The following CEP112 variants were observed in gnomAD, a reference collection of about 807,000 sequenced individuals.
CEP112 encodes centrosomal protein 112, also known as centrosomal protein of 112 kDa.
A neutral mutation model predicts 153.0 loss-of-function variants in CEP112; 127 were observed. The observed-to-expected ratio is 0.83, with a 90% confidence interval of 0.72 to 0.96. The LOEUF (loss-of-function observed/expected upper bound fraction) is 0.96, where lower values mean the gene tolerates loss of function less well. Ranked by LOEUF, CEP112 falls within the 40% of genes least tolerant of loss-of-function variation. The probability of loss-of-function intolerance (pLI) is 0.00; values close to 1 mark genes in which losing one functional copy is unlikely to be tolerated. For missense variants in CEP112, 1,089 were observed against 1,101.2 expected, an observed-to-expected ratio of 0.99 and a Z score of 0.16; for synonymous variants, 358 against 374.4, an observed-to-expected ratio of 0.96 and a Z score of 0.51.
rs544856487 is a variant in CEP112, at chr17:65,812,626, C to G, written c.2394+39178G>C. ...TGGATCCTGTTATATATTATCTCCA[C>G]AAGAAAACAACCAGATTAAAATGAA... On this transcript the variant is annotated intron_variant, in intron 21 of 26. Transcript: ENST00000535342. Among the ~76,000 whole-genome samples the G allele has an allele frequency of 5.9e-5, 9 of 152,202 alleles. No homozygotes were observed. In the East Asian group the frequency reaches 1.4e-3, roughly 23 times the overall value.
chr17:66,116,239 C>A (rs1428033900), intron 6 of CEP112, among the ~76,000 whole-genome samples: 1 of 152,138 alleles, frequency 6.6e-6, no homozygotes, highest in Non-Finnish European at 1.5e-5. Flanking sequence ...CTGTATCTAC[C>A]ATTATGATCT....
At chr17:65,705,084 C>A (rs2048849358) in intron 23 of CEP112, among the ~76,000 whole-genome samples, 1 of 152,154 alleles carries the variant, frequency 6.6e-6, no homozygotes, top group Non-Finnish European at 1.5e-5. Context: ...TTCTCCTGAT[C>A]AGAAAAATGA....
In CEP112 at chr17:65,831,511, C is replaced by T. The variant is rs558946592; in HGVS notation, c.2394+20293G>A. ...GGCGGAGCTTGCAGTGAGCCAAGAT[C>T]GCGCCACTGCACTCCAGCCTGGGCG... is the stretch of plus-strand genomic sequence containing the variant. On this transcript the variant is annotated intron_variant, in intron 21 of 26. Coordinates refer to ENST00000535342, the MANE Select transcript of CEP112 (RefSeq NM_001199165.4). Among the ~76,000 whole-genome samples the T allele has an allele frequency of 2.0e-3, 302 of 150,400 alleles. 3 individuals carry two copies. The highest frequency in any genetic ancestry group is 6.4e-4 in the Non-Finnish European group (43 of 67,650).
intron 20 of CEP112, among the ~76,000 whole-genome samples, chr17:65,868,248 C>A (rs2058547143): frequency 6.6e-6 from 1 of 151,968 alleles, no homozygotes. Flanking sequence ...CCTATAATCC[C>A]AGCACTTCCC....
chr17:65,854,688 A>AT (rs984780014), intron 20 of CEP112, among the ~76,000 whole-genome samples: 3 of 152,004 alleles, frequency 2.0e-5, no homozygotes, highest in African/African-American at 7.3e-5. Flanking sequence ...AAAATTAGTT[A>AT]TTTTTTCTTC....
intron 17 of CEP112, among the ~76,000 whole-genome samples, chr17:65,977,359 T>C (rs1279434847): frequency 1.3e-5 from 2 of 152,132 alleles, no homozygotes; most frequent in Non-Finnish European, 2.9e-5. Flanking sequence ...AGTTTTCCAG[T>C]TCCGAATTCC....
intron 21 of CEP112, among the ~76,000 whole-genome samples, chr17:65,757,024 G>A (rs1021992675): frequency 6.6e-6 from 1 of 152,148 alleles, no homozygotes; most frequent in Non-Finnish European, 1.5e-5. Context: ...TACTCCAACA[G>A]GATAGGTGTC....
intron 23 of CEP112, among the ~76,000 whole-genome samples, chr17:65,703,201 A>G (rs1283740768): frequency 2.0e-5 from 3 of 152,102 alleles, no homozygotes; most frequent in African/African-American, 4.8e-5. Flanking sequence ...GACTTTCACA[A>G]TGTCCCTCTG....
rs1354911944 is a variant in CEP112 at position 65,913,981 on chromosome 17, C to T, written c.1981-11647G>A. The T allele has an allele frequency of 5.5e-6, 3 of 544,368 alleles. No individual in the cohort carries two copies. In the African/African-American group the frequency reaches 6.2e-5, roughly 11 times the overall value. 33.7% of individuals were successfully genotyped at this position (544,368 alleles called of 1,614,324 possible). A position where few individuals can be genotyped will look rare whatever the true frequency, so the allele number is the denominator to read the frequency against. On this transcript the variant is annotated intron_variant, in intron 19 of 26. Coordinates refer to ENST00000535342, the MANE Select transcript of CEP112 (RefSeq NM_001199165.4). ...CTATTACTTTCTGTGGTTTTATCTG[C>T]CAGATCTCAGTTGAAACTCAGGAAG...
chr17:66,047,444 G>A (rs1240979429), intron 12 of CEP112, among the ~76,000 whole-genome samples: 3 of 152,184 alleles, frequency 2.0e-5, no homozygotes, highest in Admixed American at 6.5e-5. Flanking sequence ...CCCATCTTTG[G>A]TTTGAAAATG....
chr17:65,868,440 C>T (rs1001219077), intron 20 of CEP112, among the ~76,000 whole-genome samples: 1 of 151,090 alleles, frequency 6.6e-6, no homozygotes, highest in African/African-American at 2.4e-5. Context: ...ATAAAGGTTG[C>T]AGCAAGCTGA....
At chr17:65,970,370 G>GCACACATCATGCATGTAAATTACATA (rs1321898920) in intron 17 of CEP112, among the ~76,000 whole-genome samples, 2 of 71,034 alleles carry the variant, frequency 2.8e-5, no homozygotes, top group South Asian at 7.2e-4. Flanking sequence ...TATATTACAT[G>GCACACATCATGCATGTAAATTACATA]CACACATCAT....
chr17:65,648,976 A>G (rs1425475221), intron 24 of CEP112, among the ~76,000 whole-genome samples: 5 of 152,104 alleles, frequency 3.3e-5, no homozygotes, highest in Admixed American at 3.3e-4. Flanking sequence ...GCTTGAAGCC[A>G]GGACGTGGAG....
intron 20 of CEP112, among the ~76,000 whole-genome samples, chr17:65,880,789 G>A (rs151026551): frequency 5.3e-4 from 81 of 152,296 alleles, no homozygotes; most frequent in Middle Eastern, 3.4e-3. Flanking sequence ...TCAGTTAAAC[G>A]TCTGAATGTT....
rs140612273 is a variant in CEP112 at position 65,838,559 on chromosome 17, A to T, written c.2394+13245T>A. Reference sequence around the variant, plus strand: ...GCCTACATCAGAAAAGCAGAAAGCCATCAAATAAACAATCTAACACTGCAC... The same window carrying T: ...GCCTACATCAGAAAAGCAGAAAGCCTTCAAATAAACAATCTAACACTGCAC... On this transcript the variant is annotated intron_variant, in intron 21 of 26. Transcript: ENST00000535342. Among the ~76,000 whole-genome samples the T allele has an allele frequency of 1.9e-3, 290 of 152,282 alleles. 1 individual carries two copies. The highest frequency in any genetic ancestry group is 6.9e-3 in the African/African-American group (286 of 41,576).
At chr17:65,981,756 G>A (rs1364114648) in intron 17 of CEP112, among the ~76,000 whole-genome samples, 1 of 152,058 alleles carries the variant, frequency 6.6e-6, no homozygotes, top group Non-Finnish European at 1.5e-5. Flanking sequence ...TGTATTTTTA[G>A]TAGAGACGGG....
chr17:65,860,461 A>G (rs1247391712), intron 20 of CEP112, among the ~76,000 whole-genome samples: 1 of 152,234 alleles, frequency 6.6e-6, no homozygotes, highest in Non-Finnish European at 1.5e-5. Flanking sequence ...ATCCCCAAAA[A>G]GAACAGGCGG....
At chr17:65,643,603 C>A (rs901443194) in intron 24 of CEP112, among the ~76,000 whole-genome samples, 4 of 152,074 alleles carry the variant, frequency 2.6e-5, no homozygotes, top group African/African-American at 9.7e-5. Context: ...ACCCGGGCCC[C>A]CTGGTACTTC....
intron 21 of CEP112, among the ~76,000 whole-genome samples, chr17:65,850,774 A>C (rs546326685): frequency 6.6e-6 from 1 of 152,236 alleles, no homozygotes; most frequent in African/African-American, 2.4e-5. Context: ...CTCTGGCCTC[A>C]TCACTTTCCC....
Sources: gnomAD v4.1 joint callset for allele counts (sites outside exome capture counted in the v4.1 genomes callset) on GRCh38, gnomAD v4.1.1 for gene constraint, MANE v1.5 for transcripts, NCBI Gene and HGNC (gene_info 2026-07-23, HGNC 2026-07-21) for gene names.